CDH11: variants seen among roughly 807,000 people sequenced by gnomAD.
CDH11 encodes cadherin-11.
A neutral mutation model predicts 67.8 loss-of-function variants in CDH11; 11 were observed. That is an observed-to-expected ratio of 0.16 (90% confidence interval 0.10 to 0.27). The LOEUF (loss-of-function observed/expected upper bound fraction) is 0.27. Among genes scored for constraint, CDH11 ranks in the 10% least tolerant of loss-of-function variants. The probability of loss-of-function intolerance (pLI) is 1.00; values close to 1 mark genes in which losing one functional copy is unlikely to be tolerated. For missense variants in CDH11, 847 were observed against 1,031.2 expected, an observed-to-expected ratio of 0.82 and a Z score of 2.45; for synonymous variants, 419 against 400.0, an observed-to-expected ratio of 1.05 and a Z score of -0.57.
chr16:65,021,502 T>C (rs1450559126), intron 2 of CDH11, among the ~76,000 whole-genome samples: 1 of 151,668 alleles, frequency 6.6e-6, no homozygotes, highest in Admixed American at 6.6e-5. Context: ...GCTTTTCTTA[T>C]TTCAGAGAAA....
intron 1 of CDH11, among the ~76,000 whole-genome samples, chr16:65,120,284 C>T (rs1010400251): frequency 2.6e-5 from 4 of 152,128 alleles, no homozygotes; most frequent in African/African-American, 9.7e-5. Flanking sequence ...GCTACAGGAT[C>T]CTCGCTCCTG....
chr16:64,969,209 G>A (rs1050157179), intron 11 of CDH11, among the ~76,000 whole-genome samples: 3 of 152,168 alleles, frequency 2.0e-5, no homozygotes, highest in Non-Finnish European at 4.4e-5. Context: ...AGAACAATGT[G>A]TCTTAGTATA....
At chr16:65,018,328 G>C (rs1350488997) in intron 2 of CDH11, among the ~76,000 whole-genome samples, 1 of 152,080 alleles carries the variant, frequency 6.6e-6, no homozygotes, top group Admixed American at 6.5e-5. Context: ...ATTCCTTAAA[G>C]CAGTCTGTTT....
At chr16:65,045,393 T>C in intron 2 of CDH11, among the ~76,000 whole-genome samples, 1 of 134,018 alleles carries the variant, frequency 7.5e-6, no homozygotes, top group East Asian at 2.2e-4. Flanking sequence ...TATGGCAGCC[T>C]AACAGCTTTT....
At chr16:65,096,643 T>A (rs2074902049) in intron 1 of CDH11, among the ~76,000 whole-genome samples, 1 of 150,370 alleles carries the variant, frequency 6.7e-6, no homozygotes, top group African/African-American at 2.4e-5. Context: ...TTGGCATATG[T>A]ATTACATGTA....
At chr16:64,949,981 G>A (rs763055986) in intron 12 of CDH11, among the ~76,000 whole-genome samples, 3 of 152,040 alleles carry the variant, frequency 2.0e-5, no homozygotes, top group Middle Eastern at 3.2e-3. Context: ...GAATTCATTC[G>A]AGGTAGGACC....
intron 2 of CDH11, among the ~76,000 whole-genome samples, chr16:65,011,016 T>C (rs8048429): frequency 6.8e-6 from 1 of 146,810 alleles, no homozygotes; most frequent in African/African-American, 2.5e-5. Flanking sequence ...TATATATATG[T>C]GTATATATAT....
Position 65,117,188 on chromosome 16 carries a change from T to G in CDH11, c.-298+4692A>C, listed in dbSNP as rs528061606. ...TACTCCCTCCCATAATCCATTTGCA[T>G]TGATTCCTTCTTCATCAACTGTCTA... On this transcript the variant is annotated intron_variant, in intron 1 of 12. Transcript: ENST00000268603. Among the ~76,000 whole-genome samples the G allele has an allele frequency of 4.6e-5, 7 of 152,354 alleles. No homozygotes were observed. The South Asian group carries it at 8.3e-4, about 18-fold the overall frequency.
chr16:65,034,893 T>C (rs2073720577), intron 2 of CDH11, among the ~76,000 whole-genome samples: 1 of 152,198 alleles, frequency 6.6e-6, no homozygotes, highest in Admixed American at 6.5e-5. Flanking sequence ...CTGTTCACAC[T>C]GGCTTTCACA....
chr16:65,099,219 G>A (rs1357191528), intron 1 of CDH11, among the ~76,000 whole-genome samples: 1 of 152,128 alleles, frequency 6.6e-6, no homozygotes, highest in African/African-American at 2.4e-5. Context: ...CTCCCAAGGA[G>A]AGTAGACAAT....
intron 6 of CDH11, among the ~76,000 whole-genome samples, chr16:64,990,261 A>G (rs2072595955): frequency 6.6e-6 from 1 of 152,130 alleles, no homozygotes; most frequent in African/African-American, 2.4e-5. Flanking sequence ...TGGAGCATGC[A>G]GCTCTTTGAA....
intron 3 of CDH11, among the ~76,000 whole-genome samples, chr16:65,001,129 C>T (rs2072910372): frequency 6.6e-6 from 1 of 152,056 alleles, no homozygotes; most frequent in African/African-American, 2.4e-5. Flanking sequence ...TTCAGTGAAA[C>T]CCCAATTATT....
At chr16:65,027,565 T>A (rs746682796) in intron 2 of CDH11, among the ~76,000 whole-genome samples, 4 of 152,236 alleles carry the variant, frequency 2.6e-5, no homozygotes, top group Non-Finnish European at 4.4e-5. Flanking sequence ...AAGGAGCAGA[T>A]GAAGACGTAA....
In CDH11 at chr16:65,017,140, T is replaced by G. The variant is rs191953303; in HGVS notation, c.-172-12099A>C. On this transcript the variant is annotated intron_variant, in intron 2 of 12. Coordinates refer to ENST00000268603, the MANE Select transcript of CDH11 (RefSeq NM_001797.4). ...CTTTATCAGTAGGGTCTTTGTGATCTGTATCTTGTGAAATCAGTCCTGCTA... is the reference window on the plus strand; with the variant it reads ...CTTTATCAGTAGGGTCTTTGTGATCGGTATCTTGTGAAATCAGTCCTGCTA... Among the ~76,000 whole-genome samples the G allele has an allele frequency of 2.5e-3, 385 of 152,310 alleles. 2 individuals are homozygous for G. The highest frequency in any genetic ancestry group is 3.4e-3 in the Non-Finnish European group (231 of 68,022).
chr16:64,946,168 A>T lies in CDH11; in HGVS notation c.*1435T>A. ...CAAAGCTTTTTTAAATGAATCGCCC[A>T]TTCTCATTAAAACATAAAATGCCAC... On this transcript the variant is annotated 3_prime_UTR_variant, in exon 13 of 13. Transcript: ENST00000268603. 2.8e-6 allele frequency: 3 copies of T among 1,053,184 alleles called. No individual in the cohort carries two copies. Among genetic ancestry groups the T allele is most frequent in the Non-Finnish European group, 3.4e-6 (3 of 871,620 alleles). The allele number at this position is 1,053,184 out of a possible 1,614,324, so 65.2% of individuals were successfully genotyped here.
At chr16:65,041,969 C>T (rs1567544425) in intron 2 of CDH11, among the ~76,000 whole-genome samples, 1 of 152,324 alleles carries the variant, frequency 6.6e-6, no homozygotes, top group South Asian at 2.1e-4. Context: ...AGAGAGATGT[C>T]TGAAGATTCT....
intron 1 of CDH11, among the ~76,000 whole-genome samples, chr16:65,102,412 T>C (rs537251782): frequency 6.6e-6 from 1 of 152,312 alleles, no homozygotes; most frequent in East Asian, 1.9e-4. Context: ...AAAAAGTCAC[T>C]TACCTCCCTC....
intron 1 of CDH11, among the ~76,000 whole-genome samples, chr16:65,113,896 T>C (rs1354610875): frequency 6.6e-5 from 10 of 152,148 alleles, no homozygotes; most frequent in Non-Finnish European, 1.3e-4. Flanking sequence ...AAATCTCATA[T>C]TATACAGAAT....
chr16:65,079,501 G>A (rs182266762), intron 1 of CDH11, among the ~76,000 whole-genome samples: 20 of 152,232 alleles, frequency 1.3e-4, no homozygotes, highest in East Asian at 3.9e-4. Flanking sequence ...GTGTATGTGT[G>A]TGTGTGTGTT....
Sources: allele counts gnomAD v4.1 joint callset (sites outside exome capture counted in the v4.1 genomes callset), GRCh38; gene constraint gnomAD v4.1.1; transcripts MANE v1.5; gene names NCBI Gene and HGNC (gene_info 2026-07-23, HGNC 2026-07-21).